ZBTB7C: variants seen among roughly 807,000 people sequenced by gnomAD.
ZBTB7C encodes zinc finger and BTB domain containing 7C.
ZBTB7C carries 8 observed loss-of-function variants against 25.7 expected under a neutral mutation model. That is an observed-to-expected ratio of 0.31 (90% confidence interval 0.18 to 0.56). The LOEUF is 0.56. ZBTB7C is among the 20% of genes least tolerant of loss of function. The pLI, the probability that ZBTB7C is intolerant of heterozygous loss-of-function variation, is 0.91. For missense variants in ZBTB7C, 824 were observed against 855.2 expected (o/e 0.96, Z 0.46); for synonymous variants, 394 against 369.0 (o/e 1.07, Z -0.78).
At chr18:48,068,492 TAAAAAAAAAAC>T (rs2037419395) in intron 3 of ZBTB7C, among the ~76,000 whole-genome samples, 1 of 148,312 alleles carries the variant, frequency 6.7e-6, no homozygotes, top group Admixed American at 6.7e-5. Context: ...CAGAAGCTGT[TAAAAAAAAAAC>T]AACAAAAAAA....
At chr18:48,368,980 T>C (rs542328231) in intron 1 of ZBTB7C, among the ~76,000 whole-genome samples, 7 of 152,266 alleles carry the variant, frequency 4.6e-5, no homozygotes, top group Non-Finnish European at 1.0e-4. Context: ...AAGAGGTACC[T>C]TAGGACAAGA....
chr18:48,103,141 T>TATCTATC (rs1555692186), intron 3 of ZBTB7C, among the ~76,000 whole-genome samples: 1 of 148,370 alleles, frequency 6.7e-6, no homozygotes, highest in African/African-American at 2.5e-5. Context: ...TCTATCTATC[T>TATCTATC]ATCTATCTAT....
At chr18:48,313,499 A>C (rs2045871550) in intron 2 of ZBTB7C, among the ~76,000 whole-genome samples, 1 of 152,302 alleles carries the variant, frequency 6.6e-6, no homozygotes, top group East Asian at 1.9e-4. Context: ...TTCAGCCTGC[A>C]ATCACTGCTC....
upstream of ZBTB7C, among the ~76,000 whole-genome samples, chr18:48,412,311 A>G (rs954710103): frequency 2.6e-5 from 4 of 152,246 alleles, no homozygotes; most frequent in South Asian, 8.3e-4. Flanking sequence ...CTGATTCAAG[A>G]AAAAAGAGGG....
At chr18:48,174,285 T>C (rs1354768086) in intron 3 of ZBTB7C, among the ~76,000 whole-genome samples, 1 of 152,120 alleles carries the variant, frequency 6.6e-6, no homozygotes, top group Admixed American at 6.5e-5. Context: ...ATGGACAAGA[T>C]ATAAAGACAA....
chr18:48,283,213 G>C (rs2044926957), intron 2 of ZBTB7C, among the ~76,000 whole-genome samples: 1 of 152,164 alleles, frequency 6.6e-6, no homozygotes, highest in Admixed American at 6.5e-5. Context: ...TGAGGGTGCA[G>C]TGGTACTTGT....
intron 3 of ZBTB7C, among the ~76,000 whole-genome samples, chr18:48,062,460 A>G (rs972436630): frequency 2.6e-5 from 4 of 152,230 alleles, no homozygotes; most frequent in African/African-American, 9.6e-5. Context: ...GTGTCAAGAC[A>G]TATCTAGAGC....
rs573596467 is a variant in ZBTB7C at position 48,112,470 on chromosome 18, C to T, written c.-16-71347G>A. 3.4e-4 allele frequency among the ~76,000 whole-genome samples: 52 copies of T among 152,134 alleles called. 1 individual carries two copies. Among genetic ancestry groups the T allele is most frequent in the African/African-American group, 1.2e-3 (49 of 41,518 alleles). ...TCAAGCGATTCTCCTGCCTCAGCCT[C>T]CTGAGTAGCTGGGACTCCAGGCACG... On this transcript the variant is annotated intron_variant, in intron 3 of 4. Transcript: ENST00000590800.
intron 2 of ZBTB7C, among the ~76,000 whole-genome samples, chr18:48,214,869 A>G (rs1443870581): frequency 3.9e-5 from 6 of 152,198 alleles, no homozygotes; most frequent in African/African-American, 1.4e-4. Context: ...CCTCTTGGCT[A>G]TTGTGAATAA....
At chr18:48,070,456 GGAA>G (rs2144392792) in intron 3 of ZBTB7C, among the ~76,000 whole-genome samples, 1 of 152,322 alleles carries the variant, frequency 6.6e-6, no homozygotes, top group Admixed American at 6.5e-5. Context: ...AGGAGCAGGA[GGAA>G]GAAGAGGAAG....
At chr18:48,157,251 T>C (rs1049858765) in intron 3 of ZBTB7C, among the ~76,000 whole-genome samples, 10 of 152,134 alleles carry the variant, frequency 6.6e-5, no homozygotes, top group Admixed American at 3.9e-4. Context: ...ATAAATAGCA[T>C]AGAAATAACA....
chr18:48,151,228 G>C (rs1439793954), intron 3 of ZBTB7C, among the ~76,000 whole-genome samples: 1 of 152,102 alleles, frequency 6.6e-6, no homozygotes, highest in Non-Finnish European at 1.5e-5. Flanking sequence ...CCTTTTAATA[G>C]CTGCATAAAA....
chr18:48,222,248 A>G (rs1344889292), intron 2 of ZBTB7C, among the ~76,000 whole-genome samples: 7 of 152,094 alleles, frequency 4.6e-5, no homozygotes, highest in African/African-American at 1.7e-4. Flanking sequence ...CTAGGAAAGC[A>G]TCCTGTGAAC....
chr18:48,275,241 GC>G (rs1322545731), intron 2 of ZBTB7C, among the ~76,000 whole-genome samples: 1 of 152,156 alleles, frequency 6.6e-6, no homozygotes, highest in African/African-American at 2.4e-5. Context: ...CTAATGACTG[GC>G]CCCAGATTCT....
intron 1 of ZBTB7C, among the ~76,000 whole-genome samples, chr18:48,394,079 T>G (rs2047963824): frequency 6.6e-6 from 1 of 152,076 alleles, no homozygotes; most frequent in South Asian, 2.1e-4. Context: ...CTTCCATAGT[T>G]CAGCTATTTA....
At chr18:48,169,270 C>A (rs899836332) in intron 3 of ZBTB7C, among the ~76,000 whole-genome samples, 1 of 152,220 alleles carries the variant, frequency 6.6e-6, no homozygotes, top group African/African-American at 2.4e-5. Flanking sequence ...ACCTCCCAGT[C>A]CCCTTGCCTT....
intron 3 of ZBTB7C, among the ~76,000 whole-genome samples, chr18:48,098,618 C>T (rs753357230): frequency 1.3e-5 from 2 of 152,088 alleles, no homozygotes; most frequent in African/African-American, 4.8e-5. Flanking sequence ...GTGGATTCTC[C>T]GCTCCCATCC....
At chr18:48,145,756 A>G (rs1250476535) in intron 3 of ZBTB7C, among the ~76,000 whole-genome samples, 1 of 152,212 alleles carries the variant, frequency 6.6e-6, no homozygotes, top group East Asian at 1.9e-4. Context: ...CTATATGTTT[A>G]TGTGTGCATG....
chr18:48,270,253 CTTTTT>C (rs760096959), intron 2 of ZBTB7C, among the ~76,000 whole-genome samples: 7 of 98,754 alleles, frequency 7.1e-5, no homozygotes, highest in South Asian at 3.9e-4. Flanking sequence ...TTCTCTCTTT[CTTTTT>C]TTTTTTTTTT....
Sources: allele counts gnomAD v4.1 joint callset (sites outside exome capture counted in the v4.1 genomes callset), GRCh38; gene constraint gnomAD v4.1.1; transcripts MANE v1.5; gene names NCBI Gene and HGNC (gene_info 2026-07-23, HGNC 2026-07-21).